Variants in ZNF442 observed in about 807,000 individuals in gnomAD.
ZNF442 encodes zinc finger protein 442.
In ZNF442, 45 loss-of-function variants were observed where a neutral mutation model predicts 57.0. That is an observed-to-expected ratio of 0.79 (90% CI 0.62 to 1.01). The LOEUF is 1.01. Among genes scored for constraint, ZNF442 ranks in the 50% least tolerant of loss-of-function variants. ZNF442 has a pLI of 0.00. For missense variants in ZNF442, 690 were observed against 756.5 expected, an observed-to-expected ratio of 0.91 and a Z score of 1.03; for synonymous variants, 213 against 241.8, an observed-to-expected ratio of 0.88 and a Z score of 1.10.
At position 12,352,034 on chromosome 19, in the gene ZNF442, T is replaced by C. The variant is rs1289063990; in HGVS notation, c.242A>G (p.His81Arg). The C allele has an allele frequency of 1.2e-6, 2 of 1,613,906 alleles. No homozygotes were observed. The highest frequency in any genetic ancestry group is 1.7e-6 in the Non-Finnish European group (2 of 1,179,874). The change falls in exon 5 of 6, where the codon CAC (histidine) becomes CGC (arginine). Residue 81 changes from histidine to arginine, a missense_variant. Coordinates refer to ENST00000242804, the MANE Select transcript of ZNF442 (RefSeq NM_030824.3). ...CCTTAGGCTCCTCCTGGGATTTCTG[T>C]GCTGATCTTCAATGTTTGTGTCTTC... ...KWEDTNIEDQ[H>R]RNPRRSLRCH...
chr19:12,372,946 G>A, the ZNF442 span, among the ~76,000 whole-genome samples: 1 of 152,116 alleles, frequency 6.6e-6, no homozygotes. Flanking sequence ...GCTAATTTTT[G>A]TATTTTTAGT....
chr19:12,353,601 T>C lies in ZNF442; in HGVS notation c.79-487A>G, dbSNP rs143463701. ...TAAACTGTTTATGGAGAAAGTATAG[T>C]ATTTGCTTAACTCTTACCTTCTCTT... On this transcript the variant is annotated intron_variant, in intron 3 of 5. Coordinates refer to ENST00000242804, the MANE Select transcript of ZNF442 (RefSeq NM_030824.3). Among the ~76,000 whole-genome samples the C allele has an allele frequency of 9.8e-5, 15 of 152,298 alleles. No individual in the cohort carries two copies. The East Asian group carries it at 2.9e-3, about 29-fold the overall frequency.
chr19:12,357,222 A>AT (rs963358573), intron 3 of ZNF442, among the ~76,000 whole-genome samples: 25 of 150,274 alleles, frequency 1.7e-4, no homozygotes, highest in East Asian at 3.9e-4. Flanking sequence ...TTTTAGTTCT[A>AT]TTTTTTTTGC....
intron 3 of ZNF442, among the ~76,000 whole-genome samples, chr19:12,353,736 A>C (rs1403536792): frequency 6.6e-6 from 1 of 152,208 alleles, no homozygotes; most frequent in East Asian, 1.9e-4. Context: ...CTTAATCCCC[A>C]ATGTGACAGT....
chr19:12,358,406 A>G (rs1242524981), intron 3 of ZNF442, among the ~76,000 whole-genome samples: 1 of 152,210 alleles, frequency 6.6e-6, no homozygotes, highest in East Asian at 1.9e-4. Context: ...TAGTATCCCA[A>G]TGAGTATACA....
At chr19:12,352,852 A>G in intron 4 of ZNF442, 136 bp downstream of exon 4, 1 of 1,016,450 alleles carries the variant, frequency 9.8e-7, no homozygotes, top group Non-Finnish European at 1.4e-6. Flanking sequence ...CTGGTTGGGG[A>G]CCCAGCACCA....
chr19:12,366,800 A>AT, upstream of ZNF442, among the ~76,000 whole-genome samples: 1 of 152,054 alleles, frequency 6.6e-6, no homozygotes, highest in East Asian at 1.9e-4. Flanking sequence ...TGCCCAGCTA[A>AT]TTTTTTTGTA....
chr19:12,361,697 C>T (rs563098943), intron 3 of ZNF442, among the ~76,000 whole-genome samples: 1 of 148,766 alleles, frequency 6.7e-6, no homozygotes, highest in African/African-American at 2.5e-5. Flanking sequence ...TCCCCCTCCC[C>T]CTCTCGCTGT....
intron 3 of ZNF442, among the ~76,000 whole-genome samples, chr19:12,361,042 T>G (rs1969416986): frequency 6.6e-6 from 1 of 151,834 alleles, no homozygotes; most frequent in East Asian, 1.9e-4. Flanking sequence ...AAATACAAAA[T>G]TAGCCGGGCA....
intron 3 of ZNF442, among the ~76,000 whole-genome samples, chr19:12,358,180 G>C (rs1194297854): frequency 1.3e-5 from 2 of 151,968 alleles, no homozygotes; most frequent in African/African-American, 4.8e-5. Context: ...GGTCAGGCTG[G>C]TCTTGAACTC....
chr19:12,356,177 G>A (rs187644094), intron 3 of ZNF442, among the ~76,000 whole-genome samples: 178 of 151,512 alleles, frequency 1.2e-3, no homozygotes, highest in Non-Finnish European at 2.1e-3. Context: ...CTGTGATGGC[G>A]CCACTGAACT....
At chr19:12,352,550 C>G (rs1317523688) in intron 4 of ZNF442, among the ~76,000 whole-genome samples, 1 of 152,192 alleles carries the variant, frequency 6.6e-6, no homozygotes, top group East Asian at 1.9e-4. Context: ...TCTGCTACCC[C>G]TGGGACACCA....
intron 3 of ZNF442, among the ~76,000 whole-genome samples, chr19:12,362,318 G>A (rs976157797): frequency 4.0e-5 from 6 of 151,430 alleles, no homozygotes; most frequent in Non-Finnish European, 8.8e-5. Flanking sequence ...TGTGGGGAGC[G>A]CCTCTGCCCC....
Position 12,349,717 on chromosome 19 carries a change from C to A in ZNF442, c.1868G>T (p.Trp623Leu). 3 of 1,607,256 alleles carry A rather than the reference C, an allele frequency of 1.9e-6. No homozygotes were observed. Among genetic ancestry groups the A allele is most frequent in the Non-Finnish European group, 2.5e-6 (3 of 1,177,000 alleles). The change falls in exon 6 of 6, where the codon TGG becomes TTG. Residue 623 changes from tryptophan (W) to leucine (L), a missense_variant. By Grantham distance (61) the Trp-to-Leu change is moderately conservative. Transcript: ENST00000242804. ...TTTCCACATTTATAGAGTATCTCTC[C>A]AGTGAGTCCTTTTATGTCTATGCAA... ...SSLHRHKRTH[W>L]RDTL
chr19:12,363,509 G>A (rs1969474677), intron 3 of ZNF442, 45 bp downstream of exon 3: 1 of 1,587,054 alleles, frequency 6.3e-7, no homozygotes, highest in South Asian at 1.1e-5. Flanking sequence ...GACCTGAATG[G>A]GAGGTTCTTG....
chr19:12,359,973 C>T (rs1362002547), intron 3 of ZNF442, among the ~76,000 whole-genome samples: 2 of 151,852 alleles, frequency 1.3e-5, no homozygotes, highest in Admixed American at 1.3e-4. Flanking sequence ...GCTCTCGAGA[C>T]TCTCAAGAAA....
At chr19:12,360,777 G>A (rs969886451) in intron 3 of ZNF442, among the ~76,000 whole-genome samples, 8 of 152,164 alleles carry the variant, frequency 5.3e-5, no homozygotes, top group Non-Finnish European at 1.2e-4. Context: ...CTAATCAGGA[G>A]GCTGAGGCAC....
rs964642928 is a variant in ZNF442, at chr19:12,351,990, C to G, written c.266+20G>C. Reference sequence around the variant, plus strand: ...AATTGCTCCACAGATATATGTCTTTCTCTTGTGAGTGCAAATTACCTTAGG... The same window carrying G: ...AATTGCTCCACAGATATATGTCTTTGTCTTGTGAGTGCAAATTACCTTAGG... On this transcript the variant is annotated intron_variant, in intron 5 of 5. Coordinates refer to ENST00000242804, the MANE Select transcript of ZNF442 (RefSeq NM_030824.3). 3.1e-6 allele frequency: 5 copies of G among 1,610,064 alleles called. No individual in the cohort carries two copies. In the Admixed American group the frequency reaches 5.0e-5, roughly 16 times the overall value.
upstream of ZNF442, among the ~76,000 whole-genome samples, chr19:12,367,482 A>C (rs1969547280): frequency 6.6e-6 from 1 of 152,206 alleles, no homozygotes; most frequent in Admixed American, 6.5e-5. Flanking sequence ...TCGAGAGCAG[A>C]CAACCAGTCT....
Sources: gnomAD v4.1 joint callset for allele counts (sites outside exome capture counted in the v4.1 genomes callset) on GRCh38, gnomAD v4.1.1 for gene constraint, MANE v1.5 for transcripts, NCBI Gene and HGNC (gene_info 2026-07-23, HGNC 2026-07-21) for gene names.